Variants in CDON observed in about 807,000 individuals in gnomAD.
CDON encodes the protein cell adhesion molecule-related/down-regulated by oncogenes.
CDON carries 73 observed loss-of-function variants against 120.9 expected under a neutral mutation model. The ratio of observed to expected loss-of-function variants is 0.60; its 90% CI spans 0.50 to 0.73. CDON has a LOEUF of 0.73. Among genes scored for constraint, CDON ranks in the 30% least tolerant of loss-of-function variants. CDON has a pLI of 0.00. For synonymous variants in CDON, 566 were observed against 573.5 expected (o/e 0.99, Z 0.19); for missense variants, 1,470 against 1,587.3 (o/e 0.93, Z 1.26).
chr11:125,994,872 G>C lies in CDON; in HGVS notation c.2543C>G (p.Thr848Arg), dbSNP rs753364775. 2.5e-6 allele frequency: 4 copies of C among 1,612,064 alleles called. No individual in the cohort carries two copies. The highest frequency in any genetic ancestry group is 2.2e-5 in the East Asian group (1 of 44,830). ...VSDTQIMLKW[T>R]YIPSSNNNTP... Reference sequence around the variant, plus strand: ...TCATTCCAGAAGATGTGTACTGACCGTCCACTTTAGCATGATCTGAGTATC... The same window carrying C: ...TCATTCCAGAAGATGTGTACTGACCCTCCACTTTAGCATGATCTGAGTATC... The change falls in exon 13 of 20, where the codon ACG becomes AGG. Residue 848 changes from threonine to arginine, a missense_variant and splice_region_variant. Transcript: ENST00000531738.
At chr11:125,964,830 T>C (rs1052891045) in intron 18 of CDON, among the ~76,000 whole-genome samples, 1 of 152,204 alleles carries the variant, frequency 6.6e-6, no homozygotes, top group African/African-American at 2.4e-5. Context: ...AGAACAATTA[T>C]GGAATTAGAG....
intron 11 of CDON, among the ~76,000 whole-genome samples, chr11:125,999,786 T>A (rs1220468555): frequency 6.6e-6 from 1 of 152,160 alleles, no homozygotes; most frequent in Non-Finnish European, 1.5e-5. Flanking sequence ...TATTCCTCCC[T>A]TCTCCTTCTC....
rs1026655824 is a variant in CDON at position 125,959,253 on chromosome 11, T to C, written c.*1689A>G. 6.6e-6 allele frequency: 1 copy of C among 152,236 alleles called. No individual in the cohort carries two copies. Among genetic ancestry groups the C allele is most frequent in the African/African-American group, 2.4e-5 (1 of 41,462 alleles). 9.4% of individuals were successfully genotyped at this position (152,236 alleles called of 1,614,324 possible). On this transcript the variant is annotated 3_prime_UTR_variant, in exon 20 of 20. Transcript: ENST00000531738. Reference sequence around the variant, plus strand: ...ATACAGAAAGTTGGTTAACACAGTATTGTATTCTATTCCACTGCGATTTCT... The same window carrying C: ...ATACAGAAAGTTGGTTAACACAGTACTGTATTCTATTCCACTGCGATTTCT...
chr11:126,040,619 T>C (rs1029222765), intron 1 of CDON, among the ~76,000 whole-genome samples: 2 of 133,182 alleles, frequency 1.5e-5, no homozygotes, highest in South Asian at 2.4e-4. Context: ...ATCGAGACCA[T>C]CCTGGCTAAC....
chr11:126,021,696 T>C (rs923836333), intron 2 of CDON, among the ~76,000 whole-genome samples, 176 bp from the exon 3 acceptor site: 2 of 152,232 alleles, frequency 1.3e-5, no homozygotes, highest in African/African-American at 4.8e-5. Flanking sequence ...TATAAGCCTA[T>C]TTGTTGGAAG....
intron 6 of CDON, among the ~76,000 whole-genome samples, chr11:126,016,236 ATC>A (rs1187872251): frequency 6.6e-6 from 1 of 152,174 alleles, no homozygotes; most frequent in East Asian, 1.9e-4. Context: ...TTTCATGAAA[ATC>A]TGTTTCAATA....
chr11:125,984,039 G>A lies in CDON; in HGVS notation c.2828C>T (p.Pro943Leu), dbSNP rs1946390168. 10 of 1,614,006 alleles carry A rather than the reference G, an allele frequency of 6.2e-6. No homozygotes were observed. The highest frequency in any genetic ancestry group is 7.6e-6 in the Non-Finnish European group (9 of 1,179,954). Reference protein sequence around the residue: ...EYPVKDLSTPPNSLGSGGNVG... With the variant: ...EYPVKDLSTPLNSLGSGGNVG... The stretch of plus-strand genomic sequence containing the variant: ...ATTTCCTCCACTTCCCAAAGAATTT[G>A]GAGGGGTACTCAAGTCTTTGACAGG... Residue 943 changes from proline (P) to leucine (L), a missense_variant, in exon 16 of 20, where the codon CCA (proline) becomes CTA (leucine). Transcript: ENST00000531738.
Position 126,026,424 on chromosome 11 carries a change from A to G in CDON, c.-61-2887T>C, listed in dbSNP as rs189350231. On this transcript the variant is annotated intron_variant, in intron 1 of 19. Transcript: ENST00000531738. ...CTGTGCTACATTAATGACATTTTAG[A>G]AATGAGAATTTTATGTGCATTTTCA... Among the ~76,000 whole-genome samples, 4 of 152,364 alleles carry G rather than the reference A, an allele frequency of 2.6e-5. No homozygotes were observed. In the East Asian group the frequency reaches 7.7e-4, roughly 29 times the overall value.
rs1947763766 is a variant in CDON at position 126,025,321 on chromosome 11, G to A, written c.-61-1784C>T. ...AGTAAGATGAGACACCATCAGAAAG[G>A]ACTACTGAAGGTCATTGGTGGTATT... On this transcript the variant is annotated intron_variant, in intron 1 of 19. Coordinates refer to ENST00000531738, the MANE Select transcript of CDON (RefSeq NM_001378964.1). Among the ~76,000 whole-genome samples the A allele has an allele frequency of 3.3e-5, 5 of 152,178 alleles. No homozygotes were observed. The South Asian group carries it at 1.0e-3, about 32-fold the overall frequency.
intron 1 of CDON, among the ~76,000 whole-genome samples, chr11:126,051,108 T>C (rs2134912147): frequency 6.6e-6 from 1 of 152,306 alleles, no homozygotes; most frequent in South Asian, 2.1e-4. Context: ...AGTTTCTCAT[T>C]CTTGGTTGTT....
chr11:126,053,413 C>T (rs960585791), intron 1 of CDON, among the ~76,000 whole-genome samples: 3 of 152,120 alleles, frequency 2.0e-5, no homozygotes, highest in African/African-American at 4.8e-5. Flanking sequence ...AATGAGCTGT[C>T]GTTATATCAT....
At chr11:125,994,135 G>T (rs1443450544) in intron 14 of CDON, 149 bp downstream of exon 14, 7 of 666,554 alleles carry the variant, frequency 1.1e-5, no homozygotes, top group Non-Finnish European at 1.9e-5. Context: ...AGCGGGAAAA[G>T]GTGGCTTTCT....
intron 11 of CDON, among the ~76,000 whole-genome samples, chr11:125,997,706 T>TAC (rs1946829593): frequency 6.6e-6 from 1 of 152,344 alleles, no homozygotes; most frequent in African/African-American, 2.4e-5. Context: ...TGAAATAAAA[T>TAC]GTAAGTATTA....
chr11:126,012,584 A>G (rs1043537327), intron 7 of CDON, among the ~76,000 whole-genome samples: 12 of 96,072 alleles, frequency 1.2e-4, no homozygotes, highest in Non-Finnish European at 2.0e-4. Flanking sequence ...TTTTTTTTGT[A>G]TTTTAGTAGA....
At chr11:126,043,686 C>G (rs538697141) in intron 1 of CDON, among the ~76,000 whole-genome samples, 6 of 152,336 alleles carry the variant, frequency 3.9e-5, no homozygotes, top group Admixed American at 6.5e-5. Context: ...CAGGCCTAAG[C>G]CTTCCCGCGC....
chr11:125,974,768 TTAAGA>T (rs1375974002), intron 18 of CDON, among the ~76,000 whole-genome samples: 2 of 152,180 alleles, frequency 1.3e-5, no homozygotes, highest in Non-Finnish European at 2.9e-5. Context: ...ATCTTTCTCC[TTAAGA>T]TATCAACTCA....
chr11:126,057,649 C>T (rs1035025660), intron 1 of CDON, among the ~76,000 whole-genome samples: 1 of 152,204 alleles, frequency 6.6e-6, no homozygotes, highest in African/African-American at 2.4e-5. Flanking sequence ...TGTAACAATT[C>T]ATCTAGCTGT....
At chr11:125,961,583 G>T in intron 19 of CDON, 141 bp downstream of exon 19, 1 of 1,070,440 alleles carries the variant, frequency 9.3e-7, no homozygotes, top group Non-Finnish European at 1.3e-6. Flanking sequence ...TTTCCTGAAG[G>T]ACCCAGCACC....
intron 17 of CDON, among the ~76,000 whole-genome samples, chr11:125,978,642 T>C (rs566025470): frequency 9.8e-5 from 15 of 152,354 alleles, no homozygotes; most frequent in Non-Finnish European, 1.5e-4. Context: ...CGTATTTCTG[T>C]ACTAGACAAA....
Sources: gnomAD v4.1 joint callset for allele counts (sites outside exome capture counted in the v4.1 genomes callset) on GRCh38, gnomAD v4.1.1 for gene constraint, MANE v1.5 for transcripts, NCBI Gene and HGNC (gene_info 2026-07-23, HGNC 2026-07-21) for gene names.